Variants in MAGI3 observed in about 807,000 individuals in gnomAD.
MAGI3 encodes the protein membrane-associated guanylate kinase, WW and PDZ domain-containing protein 3.
Under a neutral mutation model 121.8 loss-of-function variants are expected in MAGI3, and 43 were observed. The ratio of observed to expected loss-of-function variants is 0.35; its 90% CI spans 0.28 to 0.46. The LOEUF (loss-of-function observed/expected upper bound fraction) is 0.46. MAGI3 is among the 20% of genes least tolerant of loss of function. MAGI3 has a pLI of 1.00. For missense variants in MAGI3, 1,547 were observed against 1,797.3 expected (o/e 0.86, Z 2.52); for synonymous variants, 553 against 639.3 (o/e 0.86, Z 2.04).
intron 2 of MAGI3, among the ~76,000 whole-genome samples, chr1:113,567,647 A>AT (rs1036003423): frequency 6.6e-6 from 1 of 152,130 alleles, no homozygotes; most frequent in African/African-American, 2.4e-5. Flanking sequence ...CCACATTAAC[A>AT]TCTCAATACA....
intron 1 of MAGI3, among the ~76,000 whole-genome samples, chr1:113,471,140 T>C (rs571736707): frequency 1.3e-5 from 2 of 152,332 alleles, no homozygotes; most frequent in East Asian, 1.9e-4. Flanking sequence ...CTACCAGATA[T>C]ATAAATAACA....
At chr1:113,575,934 C>G (rs1192067768) in intron 2 of MAGI3, among the ~76,000 whole-genome samples, 1 of 152,190 alleles carries the variant, frequency 6.6e-6, no homozygotes, top group African/African-American at 2.4e-5. Context: ...AGCCGTTTTT[C>G]TGCGCTGCAG....
intron 2 of MAGI3, among the ~76,000 whole-genome samples, chr1:113,573,204 C>T (rs977622490): frequency 2.6e-5 from 4 of 152,342 alleles, no homozygotes; most frequent in East Asian, 3.9e-4. Context: ...GGATTACAGG[C>T]GTGAGCCATT....
chr1:113,475,919 T>C (rs1194448195), intron 1 of MAGI3, among the ~76,000 whole-genome samples: 1 of 152,216 alleles, frequency 6.6e-6, no homozygotes, highest in African/African-American at 2.4e-5. Context: ...GTTATTGGTC[T>C]ATTCAGAGAT....
Position 113,682,971 on chromosome 1 carries a change from C to T in MAGI3, c.3403C>T (p.His1135Tyr). The part of the protein sequence containing the change: ...DEQSPLPPSS[H>Y]FASIFEESHV... The stretch of plus-strand genomic sequence containing the variant: ...ACAGTCACCATTACCCCCATCTTCA[C>T]ATTTTGCTTCCATATTTGAAGAGTC... Residue 1135 changes from histidine (H) to tyrosine (Y), a missense_variant, in exon 21 of 21, where the codon CAT (histidine) becomes TAT (tyrosine). By Grantham distance (83) the His-to-Tyr change is moderately conservative. Transcript: ENST00000307546. The T allele has an allele frequency of 6.2e-7, 1 of 1,613,618 alleles. No homozygotes were observed. The highest frequency in any genetic ancestry group is 8.5e-7 in the Non-Finnish European group (1 of 1,179,794).
At chr1:113,511,688 G>A (rs190468071) in intron 1 of MAGI3, among the ~76,000 whole-genome samples, 1 of 152,156 alleles carries the variant, frequency 6.6e-6, no homozygotes, top group East Asian at 1.9e-4. Flanking sequence ...ACCTTGAACA[G>A]GTCCTTGTAC....
Position 113,549,513 on chromosome 1 carries a change from A to G in MAGI3, c.317-2A>G. 1 of 1,508,294 alleles carries G rather than the reference A, an allele frequency of 6.6e-7. No homozygotes were observed. Among genetic ancestry groups the G allele is most frequent in the Non-Finnish European group, 9.0e-7 (1 of 1,105,518 alleles). The allele number at this position is 1,508,294 out of a possible 1,614,324, so 93.4% of individuals were successfully genotyped here. On this transcript the variant is annotated splice_acceptor_variant, in intron 1 of 20. Transcript: ENST00000307546. LOFTEE classifies it high-confidence loss of function. ...TGTTTTTTTTTTTTGTCTTTGCTCC[A>G]GGCAAAGTCATTAATAAAGATTTGC...
At chr1:113,589,852 G>T (rs945812379) in intron 4 of MAGI3, among the ~76,000 whole-genome samples, 2 of 152,136 alleles carry the variant, frequency 1.3e-5, no homozygotes, top group East Asian at 1.9e-4. Context: ...ACTCTAAAAG[G>T]ATTTTAATAT....
intron 6 of MAGI3, among the ~76,000 whole-genome samples, chr1:113,597,015 G>T (rs1649054775): frequency 6.6e-6 from 1 of 152,116 alleles, no homozygotes; most frequent in South Asian, 2.1e-4. Context: ...ATAAAGACTT[G>T]CATGCAAATA....
intron 6 of MAGI3, among the ~76,000 whole-genome samples, chr1:113,600,133 C>G (rs1649275225): frequency 6.6e-6 from 1 of 152,126 alleles, no homozygotes. Context: ...TGGGCAAAAA[C>G]TGGAAGCATT....
chr1:113,609,910 T>A (rs75292264), intron 6 of MAGI3, among the ~76,000 whole-genome samples: 2,466 of 152,274 alleles, frequency 0.016, 77 homozygotes, highest in African/African-American at 0.056. Context: ...CTCTTGGCCC[T>A]AACCCTCCCC....
At chr1:113,553,462 C>T (rs1435923629) in intron 2 of MAGI3, among the ~76,000 whole-genome samples, 1 of 152,086 alleles carries the variant, frequency 6.6e-6, no homozygotes, top group South Asian at 2.1e-4. Flanking sequence ...AAAAATCTCT[C>T]GGAGTTTTAA....
intron 2 of MAGI3, among the ~76,000 whole-genome samples, chr1:113,562,202 G>A (rs564773958): frequency 2.6e-5 from 4 of 152,212 alleles, no homozygotes; most frequent in East Asian, 1.9e-4. Context: ...TCAGGAGATC[G>A]AGACCATCCT....
At chr1:113,495,253 A>G (rs949005113) in intron 1 of MAGI3, among the ~76,000 whole-genome samples, 2 of 152,188 alleles carry the variant, frequency 1.3e-5, no homozygotes, top group African/African-American at 4.8e-5. Context: ...ATATAAATAT[A>G]ACACTTAAAA....
chr1:113,527,997 T>C (rs1658531275), intron 1 of MAGI3, among the ~76,000 whole-genome samples: 1 of 152,168 alleles, frequency 6.6e-6, no homozygotes, highest in Admixed American at 6.5e-5. Flanking sequence ...CATGTCTGTG[T>C]TTAGTGAAAC....
intron 3 of MAGI3, among the ~76,000 whole-genome samples, chr1:113,585,182 G>C (rs1391132752): frequency 6.6e-6 from 1 of 151,810 alleles, no homozygotes; most frequent in Non-Finnish European, 1.5e-5. Flanking sequence ...TGGCCAAGCT[G>C]ATCTGAAACT....
chr1:113,672,526 G>A (rs373417978), intron 17 of MAGI3, 89 bp from the exon 18 acceptor site: 298 of 1,428,662 alleles, frequency 2.1e-4, no homozygotes, highest in Non-Finnish European at 2.5e-4. Context: ...TGGCAAGGTC[G>A]AGCTTTTAAA....
At chr1:113,418,479 C>T (rs1259171056) in intron 1 of MAGI3, among the ~76,000 whole-genome samples, 1 of 152,154 alleles carries the variant, frequency 6.6e-6, no homozygotes, top group Non-Finnish European at 1.5e-5. Flanking sequence ...CAAGTCCCAC[C>T]TTCAACATCT....
At chr1:113,675,792 C>T (rs1339811657) in intron 19 of MAGI3, among the ~76,000 whole-genome samples, 1 of 152,212 alleles carries the variant, frequency 6.6e-6, no homozygotes, top group East Asian at 1.9e-4. Flanking sequence ...TCGTCAAGAA[C>T]TGCTGAATCT....
Sources: allele counts gnomAD v4.1 joint callset (sites outside exome capture counted in the v4.1 genomes callset), GRCh38; gene constraint gnomAD v4.1.1; transcripts MANE v1.5; gene names NCBI Gene and HGNC (gene_info 2026-07-23, HGNC 2026-07-21).